Variants in AHNAK observed in about 807,000 individuals in gnomAD.
AHNAK encodes the protein AHNAK nucleoprotein, also known as neuroblast differentiation-associated protein AHNAK.
Under a neutral mutation model 37.8 loss-of-function variants are expected in AHNAK, and 23 were observed. The observed-to-expected ratio is 0.61, with a 90% CI of 0.44 to 0.86. AHNAK has a LOEUF of 0.86. AHNAK is among the 40% of genes least tolerant of loss of function. The pLI is 0.00. For missense variants in AHNAK, 7,411 were observed against 7,319.4 expected (o/e 1.01, Z -0.46); for synonymous variants, 2,481 against 2,636.3 (o/e 0.94, Z 1.80).
chr11:62,434,653 C>T (rs1390958808), intron 5 of AHNAK, among the ~76,000 whole-genome samples: 2 of 152,130 alleles, frequency 1.3e-5, no homozygotes, highest in South Asian at 2.1e-4. Flanking sequence ...TCGGGCCAGG[C>T]GCAGTGGCTC....
intron 5 of AHNAK, among the ~76,000 whole-genome samples, chr11:62,453,600 T>G (rs1285575850): frequency 1.3e-5 from 2 of 152,044 alleles, no homozygotes; most frequent in Admixed American, 6.6e-5. Flanking sequence ...CAGTCTGGTG[T>G]CTGTAAGAGC....
In AHNAK at chr11:62,521,794, A is replaced by C; in HGVS notation, c.12623T>G (p.Val4208Gly). The C allele has an allele frequency of 6.2e-7, 1 of 1,613,182 alleles. No individual in the cohort carries two copies. The highest frequency in any genetic ancestry group is 8.5e-7 in the Non-Finnish European group (1 of 1,179,810). ...MPGFKGEGPDVDVNLPKADLD... is the reference protein window; with the variant it reads ...MPGFKGEGPDGDVNLPKADLD... ...GTCAGCCTTGGGCAGGTTCACATCC[A>C]CATCTGGGCCCTCTCCTTTGAAGCC... is the stretch of plus-strand genomic sequence containing the variant. Residue 4208 changes from valine (V) to glycine (G), a missense_variant, in exon 5 of 5, where the codon GTG becomes GGG. Physicochemically the swap from Val to Gly is moderately radical, Grantham distance 109 (BLOSUM62 -3). Coordinates refer to ENST00000378024, the MANE Select transcript of AHNAK (RefSeq NM_001620.3).
chr11:62,537,127 A>AT (rs1476244150), intron 1 of AHNAK, among the ~76,000 whole-genome samples: 1 of 151,386 alleles, frequency 6.6e-6, no homozygotes, highest in Non-Finnish European at 1.5e-5. Context: ...CACCCGGCTA[A>AT]TTTTTTGTAT....
At chr11:62,450,787 C>T (rs1490098758) in intron 5 of AHNAK, among the ~76,000 whole-genome samples, 1 of 152,268 alleles carries the variant, frequency 6.6e-6, no homozygotes, top group Non-Finnish European at 1.5e-5. Flanking sequence ...GACTGGGACG[C>T]CTCTCTCGCC....
chr11:62,466,329 A>AT (rs376914611), intron 5 of AHNAK, among the ~76,000 whole-genome samples: 7 of 152,006 alleles, frequency 4.6e-5, no homozygotes, highest in African/African-American at 1.7e-4. Flanking sequence ...CAAAAAAAAA[A>AT]TTTTTGTTTT....
chr11:62,495,168 C>T (rs1288555646), intron 4 of AHNAK, among the ~76,000 whole-genome samples: 3 of 151,758 alleles, frequency 2.0e-5, no homozygotes, highest in Admixed American at 6.6e-5. Flanking sequence ...CCACCTCCCC[C>T]AACCCGGGCA....
rs1940622462 is a variant in AHNAK at position 62,529,045 on chromosome 11, T to C, written c.5372A>G (p.Lys1791Arg). Residue 1791 changes from lysine to arginine, a missense_variant, in exon 5 of 5, where the codon AAG becomes AGG. Physicochemically the swap from Lys to Arg is conservative, Grantham distance 26 (BLOSUM62 2). Transcript: ENST00000378024. ...TATCTCTCCCTTCAGTTTGGGTCCC[T>C]TCAAATTCAAGTCCACATCTGGCAT... ...VSMPDVDLNL[K>R]GPKLKGEIDA... 1.9e-6 allele frequency: 3 copies of C among 1,614,212 alleles called. No homozygotes were observed. Among genetic ancestry groups the C allele is most frequent in the Admixed American group, 1.7e-5 (1 of 60,026 alleles).
In AHNAK at chr11:62,527,223, G is replaced by C; in HGVS notation, c.7194C>G (p.Pro2398=). 1 of 1,613,014 alleles carries C rather than the reference G, an allele frequency of 6.2e-7. No individual in the cohort carries two copies. The highest frequency in any genetic ancestry group is 8.5e-7 in the Non-Finnish European group (1 of 1,179,590). The change falls in exon 5 of 5, where the codon CCC becomes CCG. Residue 2398 remains proline, a synonymous_variant. Transcript: ENST00000378024. ...MPDLDLHLKS[P]KAKGEVDVDV... is the part of the protein sequence containing the mutation. ...CTACATCCACCTCTCCTTTTGCCTT[G>C]GGGCTCTTCAAGTGTAGATCGAGGT... is the stretch of plus-strand genomic sequence containing the variant.
chr11:62,510,957 T>C (rs1194660923), downstream of AHNAK, among the ~76,000 whole-genome samples: 1 of 151,924 alleles, frequency 6.6e-6, no homozygotes, highest in Non-Finnish European at 1.5e-5. Context: ...ATTAGCTGCA[T>C]CTCCCACATA....
At chr11:62,465,668 T>C (rs958321131) in intron 5 of AHNAK, among the ~76,000 whole-genome samples, 4 of 152,016 alleles carry the variant, frequency 2.6e-5, no homozygotes, top group Admixed American at 6.6e-5. Context: ...AATTTTACCA[T>C]GAGGTCATAT....
At position 62,518,097 on chromosome 11, in the gene AHNAK, C is replaced by T. The variant is rs749056449; in HGVS notation, c.16320G>A (p.Val5440=). The stretch of plus-strand genomic sequence containing the variant: ...CTGAAATCCGAGGCCCTTTCAGGTT[C>T]ACATCCACACCTGGCCCCTTCAGTT... ...SGELKGPGVD[V]NLKGPRISAP... is the part of the protein sequence containing the mutation. Residue 5440 remains valine (V), a synonymous_variant, in exon 5 of 5, where the codon GTG becomes GTA. Transcript: ENST00000378024. 18 of 1,614,124 alleles carry T rather than the reference C, an allele frequency of 1.1e-5. No individual in the cohort carries two copies. The highest frequency in any genetic ancestry group is 2.7e-5 in the African/African-American group (2 of 74,932).
chr11:62,532,429 T>G lies in AHNAK; in HGVS notation c.1988A>C (p.Lys663Thr). 1 of 1,614,148 alleles carries G rather than the reference T, an allele frequency of 6.2e-7. No homozygotes were observed. Among genetic ancestry groups the G allele is most frequent in the Non-Finnish European group, 8.5e-7 (1 of 1,180,014 alleles). Reference protein sequence around the residue: ...PKGDISISGPKVNVEAPDVNL... With the variant: ...PKGDISISGPTVNVEAPDVNL... ...GACATCTGGGGCTTCCACATTGACC[T>G]TGGGCCCTGAAATACTGATATCTCC... is the stretch of plus-strand genomic sequence containing the variant. Residue 663 changes from lysine (K) to threonine (T), a missense_variant, in exon 5 of 5, where the codon AAG becomes ACG. Physicochemically the swap from Lys to Thr is moderately conservative, Grantham distance 78. Transcript: ENST00000378024.
At chr11:62,443,321 G>A (rs1590583024) in intron 5 of AHNAK, among the ~76,000 whole-genome samples, 1 of 132,394 alleles carries the variant, frequency 7.6e-6, no homozygotes, top group African/African-American at 2.8e-5. Flanking sequence ...TGCCCAGGCT[G>A]GAGTGCAATG....
chr11:62,454,915 T>G (rs1359144710), intron 5 of AHNAK, among the ~76,000 whole-genome samples: 1 of 135,218 alleles, frequency 7.4e-6, no homozygotes, highest in Non-Finnish European at 1.5e-5. Flanking sequence ...GATTTGCATT[T>G]CTTTTTATTT....
intron 4 of AHNAK, among the ~76,000 whole-genome samples, chr11:62,494,993 T>G (rs954818282): frequency 7.6e-6 from 1 of 130,800 alleles, no homozygotes; most frequent in Non-Finnish European, 1.6e-5. Flanking sequence ...AGAATGAAAC[T>G]CCATCTCAAA....
intron 5 of AHNAK, among the ~76,000 whole-genome samples, chr11:62,483,165 G>A (rs1939311080): frequency 6.6e-6 from 1 of 152,186 alleles, no homozygotes; most frequent in Non-Finnish European, 1.5e-5. Flanking sequence ...AAGGCCCAGG[G>A]CCCAAGGGAC....
rs979295223 is a variant in AHNAK, at chr11:62,522,933, C to A, written c.11484G>T (p.Leu3828=). Residue 3828 remains leucine (L), a synonymous_variant, in exon 5 of 5, where the codon CTG becomes CTT. Transcript: ENST00000378024. Reference sequence around the variant, plus strand: ...CTGAGACATCAAGGTCAGCCTTGGGCAGGTTCACATCCACATCTGGGCCCT... The same window carrying A: ...CTGAGACATCAAGGTCAGCCTTGGGAAGGTTCACATCCACATCTGGGCCCT... ...KGEGPDVDVN[L]PKADLDVSGP... 6.2e-7 allele frequency: 1 copy of A among 1,613,302 alleles called. No homozygotes were observed. Among genetic ancestry groups the A allele is most frequent in the African/African-American group, 1.3e-5 (1 of 74,606 alleles).
rs781334960 is a variant in AHNAK at position 62,533,556 on chromosome 11, C to T, written c.861G>A (p.Arg287=). Residue 287 remains arginine, a synonymous_variant, in exon 5 of 5, where the codon AGG becomes AGA. Coordinates refer to ENST00000378024, the MANE Select transcript of AHNAK (RefSeq NM_001620.3). Reference sequence around the variant, plus strand: ...GAGATGGGCCCTGTACCTCTACTGCCCTACCCCCAAGAGAAGATGAAATGT... The same window carrying T: ...GAGATGGGCCCTGTACCTCTACTGCTCTACCCCCAAGAGAAGATGAAATGT... The part of the protein sequence containing the change: ...AVDISSSLGG[R]AVEVQGPSLE... 1 of 1,614,140 alleles carries T rather than the reference C, an allele frequency of 6.2e-7. No individual in the cohort carries two copies. Among genetic ancestry groups the T allele is most frequent in the East Asian group, 2.2e-5 (1 of 44,882 alleles).
intron 5 of AHNAK, among the ~76,000 whole-genome samples, chr11:62,460,306 A>G (rs1239246920): frequency 2.0e-5 from 3 of 152,042 alleles, no homozygotes; most frequent in African/African-American, 7.2e-5. Flanking sequence ...CAAACAAACA[A>G]AAACCAGATC....
Sources: gnomAD v4.1 joint callset for allele counts (sites outside exome capture counted in the v4.1 genomes callset) on GRCh38, gnomAD v4.1.1 for gene constraint, MANE v1.5 for transcripts, NCBI Gene and HGNC (gene_info 2026-07-23, HGNC 2026-07-21) for gene names.